DDX5: variants seen among roughly 807,000 people sequenced by gnomAD.
DDX5 encodes DEAD-box helicase 5, also known as probable ATP-dependent RNA helicase DDX5.
A neutral mutation model predicts 68.6 loss-of-function variants in DDX5; 6 were observed. The observed-to-expected ratio is 0.09, with a 90% CI of 0.05 to 0.17. The LOEUF (loss-of-function observed/expected upper bound fraction) is 0.17, where lower values mean the gene tolerates loss of function less well. Ranked by LOEUF, DDX5 falls within the 10% of genes least tolerant of loss-of-function variation. The probability of loss-of-function intolerance (pLI) is 1.00; values close to 1 mark genes in which losing one functional copy is unlikely to be tolerated. For synonymous variants in DDX5, 350 were observed against 247.0 expected, an observed-to-expected ratio of 1.42 and a Z score of -3.91; for missense variants, 499 against 756.1, an observed-to-expected ratio of 0.66 and a Z score of 3.99.
chr17:64,502,742 T>C, intron 8 of DDX5, 184 bp downstream of exon 8: 2 of 742,268 alleles, frequency 2.7e-6, no homozygotes, highest in Non-Finnish European at 4.3e-6. Flanking sequence ...GAATTCCTTC[T>C]ATAGGAAAGC....
At chr17:64,505,387 G>A (rs16947824) in intron 1 of DDX5, 19,997 of 467,866 alleles carry the variant, frequency 0.043, 667 homozygotes, top group Admixed American at 0.13. Context: ...CCGGATCAAC[G>A]AATCAAAATT....
chr17:64,501,977 G>A, intron 11 of DDX5, 33 bp downstream of exon 11: 6 of 1,605,464 alleles, frequency 3.7e-6, no homozygotes, highest in African/African-American at 1.3e-5. Context: ...GATCTTCTGG[G>A]AAACCAAGCC....
rs986840184 is a variant in DDX5 at position 64,499,529 on chromosome 17, A to C, written c.*394T>G. 62 of 209,424 alleles carry C rather than the reference A, an allele frequency of 3.0e-4. No individual in the cohort carries two copies. The highest frequency in any genetic ancestry group is 2.7e-3 in the Middle Eastern group (2 of 750). 13.0% of individuals were successfully genotyped at this position (209,424 alleles called of 1,614,324 possible). A position where few individuals can be genotyped will look rare whatever the true frequency, so the allele number is the denominator to read the frequency against. ...AACAGTCATTTGTTTTCATGGAAAA[A>C]AAAAACCAAACAAAAACAAAAAAAA... On this transcript the variant is annotated 3_prime_UTR_variant, in exon 13 of 13. Transcript: ENST00000225792.
chr17:64,499,238 A>T lies in DDX5; in HGVS notation c.*685T>A, dbSNP rs569754773. 1.3e-5 allele frequency among the ~76,000 whole-genome samples: 2 copies of T among 152,318 alleles called. No individual in the cohort carries two copies. The highest frequency in any genetic ancestry group is 4.8e-5 in the African/African-American group (2 of 41,576). The stretch of plus-strand genomic sequence containing the variant: ...AGTTATTTGGAGCTTTTTAAATTAT[A>T]AACTTTGAAAAAGTCACCCACGTTC... On this transcript the variant is annotated 3_prime_UTR_variant, in exon 13 of 13. Transcript: ENST00000225792.
chr17:64,504,336 A>G lies in DDX5; in HGVS notation c.211-18T>C, dbSNP rs1555671716. On this transcript the variant is annotated intron_variant, in intron 2 of 12. Transcript: ENST00000225792. ...ACCTCTTGCTGCAAAACAAATTATA[A>G]CAGTCTTAAAATTCATGACAACCAC... The G allele has an allele frequency of 6.2e-7, 1 of 1,604,738 alleles. No individual in the cohort carries two copies.
chr17:64,500,477 A>G lies in DDX5; in HGVS notation c.1441+72T>C. On this transcript the variant is annotated intron_variant, in intron 12 of 12. Transcript: ENST00000225792. ...CATTCAAGGTTTTACTCACCCTCCA[A>G]TACCATTTAAATGGATTTGTAGACA... The G allele has an allele frequency of 1.9e-6, 3 of 1,543,202 alleles. No individual in the cohort carries two copies. The South Asian group carries it at 3.4e-5, about 18-fold the overall frequency.
Position 64,506,215 on chromosome 17 carries a change from G to A in DDX5, c.-96C>T. 2.6e-6 allele frequency: 4 copies of A among 1,560,136 alleles called. No individual in the cohort carries two copies. The highest frequency in any genetic ancestry group is 2.6e-6 in the Non-Finnish European group (3 of 1,152,190). On this transcript the variant is annotated 5_prime_UTR_variant, in exon 1 of 13. Coordinates refer to ENST00000225792, the MANE Select transcript of DDX5 (RefSeq NM_004396.5). ...CTCGATGACGGCGAAGCCTTGCGGG[G>A]GCGGCAGCGGAGGAAGGACACCGAT...
rs985096030 is a variant in DDX5, at chr17:64,500,591, T to C, written c.1399A>G (p.Ile467Val). ...ACCAACTGAAGCAACTTGGGATTAA[T>C]TGCTTGATTAGCTTCACGAAGCACA... Reference protein sequence around the residue: ...ISVLREANQAINPKLLQLVED... With the variant: ...ISVLREANQAVNPKLLQLVED... The change falls in exon 12 of 13, where the codon ATT becomes GTT. Residue 467 changes from isoleucine (I) to valine (V), a missense_variant. Ile to Val is a conservative substitution (Grantham distance 29). This residue lies in a region of DDX5 where 21 missense variants were observed against 37.6 expected (regional missense o/e 0.56). Coordinates refer to ENST00000225792, the MANE Select transcript of DDX5 (RefSeq NM_004396.5). 12 of 1,614,196 alleles carry C rather than the reference T, an allele frequency of 7.4e-6. No individual in the cohort carries two copies. The highest frequency in any genetic ancestry group is 4.0e-5 in the African/African-American group (3 of 75,054).
In DDX5 at chr17:64,499,847, ATAAC is replaced by A. The variant is rs2038250687; in HGVS notation, c.*72_*75del. 26 of 1,360,248 alleles carry A rather than the reference ATAAC, an allele frequency of 1.9e-5. No individual in the cohort carries two copies. Among genetic ancestry groups the A allele is most frequent in the Admixed American group, 2.5e-5 (1 of 39,888 alleles). The allele number at this position is 1,360,248 out of a possible 1,614,324, so 84.3% of individuals were successfully genotyped here. ...TTTCTGCAATTCCCATGTTTCTTAA[ATAAC>A]TATCTTGTCAGATAACACACAATAT... is the stretch of plus-strand genomic sequence containing the variant. On this transcript the variant is annotated 3_prime_UTR_variant, in exon 13 of 13. Coordinates refer to ENST00000225792, the MANE Select transcript of DDX5 (RefSeq NM_004396.5).
At chr17:64,502,256 C>T in intron 9 of DDX5, 33 bp from the exon 10 acceptor site, 1 of 1,611,336 alleles carries the variant, frequency 6.2e-7, no homozygotes, top group East Asian at 2.2e-5. Context: ...TTATTAAACT[C>T]ACATTGAAAA....
Position 64,506,019 on chromosome 17 carries a change from G to GAC in DDX5, c.44+55_44+56dup. Reference sequence around the variant, plus strand: ...CAAAGCCCCCGCCGGCCGCCACCCTGACCCGCCCTCCCATCCCCCCACCCG... The same window carrying GAC: ...CAAAGCCCCCGCCGGCCGCCACCCTGACACCCGCCCTCCCATCCCCCCACCCG... On this transcript the variant is annotated intron_variant, in intron 1 of 12. Coordinates refer to ENST00000225792, the MANE Select transcript of DDX5 (RefSeq NM_004396.5). The GAC allele has an allele frequency of 8.8e-6, 12 of 1,360,440 alleles. No homozygotes were observed. In the South Asian group the frequency reaches 1.0e-4, roughly 11 times the overall value. 84.3% of individuals were successfully genotyped at this position (1,360,440 alleles called of 1,614,324 possible).
chr17:64,503,745 A>G, intron 5 of DDX5, 58 bp downstream of exon 5: 6 of 1,563,262 alleles, frequency 3.8e-6, no homozygotes, highest in South Asian at 2.3e-5. Context: ...ATCTTTAGCT[A>G]TGTAGTCTAA....
upstream of DDX5, chr17:64,506,710 T>C (rs1267180461): frequency 9.9e-6 from 4 of 405,264 alleles, no homozygotes; most frequent in Admixed American, 4.2e-5. Flanking sequence ...TCCGCACTAC[T>C]TTCCCGTTGA....
At chr17:64,505,043 A>AG (rs1555671934) in intron 1 of DDX5, 1 of 472,532 alleles carries the variant, frequency 2.1e-6, no homozygotes, top group Non-Finnish European at 3.7e-6. Flanking sequence ...CACATTACTT[A>AG]GGTCATGTAA....
intron 11 of DDX5, 21 bp downstream of exon 11, chr17:64,501,989 T>C (rs782388230): frequency 2.5e-6 from 4 of 1,610,654 alleles, no homozygotes; most frequent in East Asian, 4.5e-5. Flanking sequence ...AACCAAGCCA[T>C]GAATGCGAGT....
At position 64,503,863 on chromosome 17, in the gene DDX5, C is replaced by T. The variant is rs375975349; in HGVS notation, c.447G>A (p.Leu149=). Residue 149 remains leucine, a synonymous_variant, in exon 5 of 13, where the codon TTG becomes TTA. Coordinates refer to ENST00000225792, the MANE Select transcript of DDX5 (RefSeq NM_004396.5). Reference sequence around the variant, plus strand: ...GATTGATGTGGACAATGGCAGGAAGCAAATACTATTTAGGGTGAAAGTGGG... The same window carrying T: ...GATTGATGTGGACAATGGCAGGAAGTAAATACTATTTAGGGTGAAAGTGGG... ...QTGSGKTLSY[L]LPAIVHINHQ... is the part of the protein sequence containing the mutation. 5.2e-5 allele frequency: 84 copies of T among 1,614,196 alleles called. No homozygotes were observed. The highest frequency in any genetic ancestry group is 1.0e-4 in the Admixed American group (6 of 60,022).
Position 64,504,667 on chromosome 17 carries a change from A to G in DDX5, c.210+10T>C. The G allele has an allele frequency of 6.3e-7, 1 of 1,599,818 alleles. No individual in the cohort carries two copies. Among genetic ancestry groups the G allele is most frequent in the Non-Finnish European group, 8.5e-7 (1 of 1,175,104 alleles). On this transcript the variant is annotated intron_variant, in intron 2 of 12. Transcript: ENST00000225792. ...GTTACAGCCTGATGAAGCCACATGA[A>G]TTTACTCACTGCTGTGCGCCTAGCC...
rs1555670667 is a variant in DDX5 at position 64,499,898 on chromosome 17, G to C, written c.*25C>G. On this transcript the variant is annotated 3_prime_UTR_variant, in exon 13 of 13. Transcript: ENST00000225792. ...ATATAAAGAGCAATTATGAAAAACA[G>C]ACATTTACATATACTTCTAAAGTCT... The C allele has an allele frequency of 1.3e-6, 2 of 1,527,156 alleles. No homozygotes were observed. Among genetic ancestry groups the C allele is most frequent in the South Asian group, 2.6e-5 (2 of 77,926 alleles). The allele number at this position is 1,527,156 out of a possible 1,614,324, so 94.6% of individuals were successfully genotyped here.
At chr17:64,506,594 G>T (rs987877058), upstream of DDX5, 14 of 389,608 alleles carry the variant, frequency 3.6e-5, 1 homozygote, top group South Asian at 2.8e-4. Flanking sequence ...GCCACTCGGA[G>T]ATGTTTACGT....
Sources: gnomAD v4.1 joint callset for allele counts (sites outside exome capture counted in the v4.1 genomes callset) on GRCh38, gnomAD v4.1.1 for gene constraint, gnomAD v4.1.1 regional missense constraint, MANE v1.5 for transcripts, NCBI Gene and HGNC (gene_info 2026-07-23, HGNC 2026-07-21) for gene names.